The following PROSER1 variants were observed in gnomAD, a reference collection of about 807,000 sequenced individuals.
PROSER1 encodes proline and serine-rich protein 1.
A neutral mutation model predicts 71.8 loss-of-function variants in PROSER1; 36 were observed. The ratio of observed to expected loss-of-function variants is 0.50; its 90% CI spans 0.38 to 0.66. PROSER1 has a LOEUF of 0.66. Ranked by LOEUF, PROSER1 falls within the 30% of genes least tolerant of loss-of-function variation. The pLI is 0.00. For missense variants in PROSER1, 1,107 were observed against 1,135.0 expected, an observed-to-expected ratio of 0.98 and a Z score of 0.35; for synonymous variants, 490 against 452.4, an observed-to-expected ratio of 1.08 and a Z score of -1.06.
chr13:39,034,984 T>C (rs1871031241), intron 1 of PROSER1, among the ~76,000 whole-genome samples: 1 of 152,240 alleles, frequency 6.6e-6, no homozygotes, highest in Admixed American at 6.5e-5. Context: ...TTGCAGCTAT[T>C]TGCTCAGCTT....
intron 3 of PROSER1, among the ~76,000 whole-genome samples, chr13:39,029,864 A>C (rs1363359086): frequency 6.6e-6 from 1 of 152,200 alleles, no homozygotes; most frequent in Non-Finnish European, 1.5e-5. Context: ...TGGGTTAAAC[A>C]GGTTTCTCTA....
intron 2 of PROSER1, among the ~76,000 whole-genome samples, chr13:39,032,401 T>A (rs1218602651): frequency 6.6e-6 from 1 of 152,066 alleles, no homozygotes; most frequent in Non-Finnish European, 1.5e-5. Context: ...GGCATAAAGA[T>A]CAGGACACTG....
intron 2 of PROSER1, among the ~76,000 whole-genome samples, chr13:39,032,788 T>C (rs1005810333): frequency 6.6e-6 from 1 of 152,162 alleles, no homozygotes; most frequent in African/African-American, 2.4e-5. Context: ...AATAAGCTCA[T>C]TTAGAAAGTG....
chr13:39,034,317 T>C, intron 1 of PROSER1, 121 bp from the exon 2 acceptor site: 1 of 657,220 alleles, frequency 1.5e-6, no homozygotes, highest in Non-Finnish European at 2.4e-6. Flanking sequence ...ACTTCAGCCC[T>C]GTCATTCAGA....
chr13:39,013,579 T>C lies in PROSER1; in HGVS notation c.1673A>G (p.Gln558Arg), dbSNP rs1869813176. 6.2e-7 allele frequency: 1 copy of C among 1,614,048 alleles called. No homozygotes were observed. The highest frequency in any genetic ancestry group is 2.2e-5 in the East Asian group (1 of 44,876). ...STSTPLTLPVQSPLATAASAS... is the reference protein window; with the variant it reads ...STSTPLTLPVRSPLATAASAS... ...TGATGCAGCAGTGGCTAAAGGAGAC[T>C]GTACAGGCAATGTCAGGGGAGTGGA... is the stretch of plus-strand genomic sequence containing the variant. Residue 558 changes from glutamine (Q) to arginine (R), a missense_variant, in exon 11 of 13, where the codon CAG becomes CGG. Gln to Arg is a conservative substitution (Grantham distance 43). Transcript: ENST00000352251.
In PROSER1 at chr13:39,012,680, T is replaced by TATCC. The variant is rs777149252; in HGVS notation, c.2561+7_2561+10dup. ...GAATAATTTTATCCTATTTCCAAAC[T>TATCC]ATCCACATACCCGGCTTGTGCAACA... On this transcript the variant is annotated intron_variant, in intron 11 of 12. Coordinates refer to ENST00000352251, the MANE Select transcript of PROSER1 (RefSeq NM_025138.5). 1.1e-4 allele frequency: 174 copies of TATCC among 1,525,464 alleles called. 1 individual carries two copies. The Middle Eastern group carries it at 3.2e-3, about 28-fold the overall frequency. The allele number at this position is 1,525,464 out of a possible 1,614,324, so 94.5% of individuals were successfully genotyped here.
In PROSER1 at chr13:39,012,223, C is replaced by T; in HGVS notation, c.2572G>A (p.Gly858Arg). 1 of 1,613,974 alleles carries T rather than the reference C, an allele frequency of 6.2e-7. No individual in the cohort carries two copies. Among genetic ancestry groups the T allele is most frequent in the Non-Finnish European group, 8.5e-7 (1 of 1,179,970 alleles). Residue 858 changes from glycine (G) to arginine (R), a missense_variant, in exon 12 of 13, where the codon GGA becomes AGA. Gly to Arg is a moderately radical substitution (Grantham distance 125). Coordinates refer to ENST00000352251, the MANE Select transcript of PROSER1 (RefSeq NM_025138.5). ...ALVAQAGLSSGLQAAGSSVFP... is the reference protein window; with the variant it reads ...ALVAQAGLSSRLQAAGSSVFP... ...ACAGAACTGCCTGCAGCTTGAAGTC[C>T]AGATGATAAACTAAAACAATTGACA... is the stretch of plus-strand genomic sequence containing the variant.
intron 9 of PROSER1, among the ~76,000 whole-genome samples, chr13:39,019,630 C>T (rs908496182): frequency 1.3e-5 from 2 of 148,844 alleles, no homozygotes; most frequent in African/African-American, 2.5e-5. Context: ...TAATCATTGG[C>T]GATATTAGAG....
rs140024182 is a variant in PROSER1 at position 39,017,121 on chromosome 13, T to C, written c.775+379A>G. Among the ~76,000 whole-genome samples, 357 of 152,318 alleles carry C rather than the reference T, an allele frequency of 2.3e-3. 1 individual carries two copies. Among genetic ancestry groups the C allele is most frequent in the African/African-American group, 8.3e-3 (345 of 41,584 alleles). ...TTATTGAAATAATGAACTCTAAAAATAGAATCTGACTAGCATTTGTCAAAA... is the reference window on the plus strand; with the variant it reads ...TTATTGAAATAATGAACTCTAAAAACAGAATCTGACTAGCATTTGTCAAAA... On this transcript the variant is annotated intron_variant, in intron 10 of 12. Coordinates refer to ENST00000352251, the MANE Select transcript of PROSER1 (RefSeq NM_025138.5).
intron 8 of PROSER1, 105 bp from the exon 9 acceptor site, chr13:39,022,517 T>C: frequency 1.3e-6 from 1 of 744,376 alleles, no homozygotes; most frequent in Non-Finnish European, 2.3e-6. Context: ...CTATTCAATT[T>C]ATTATAAAAA....
In PROSER1 at chr13:39,037,470, G is replaced by A. The variant is rs1871176280; in HGVS notation, c.-228C>T. 5.7e-6 allele frequency: 3 copies of A among 523,414 alleles called. No homozygotes were observed. Among genetic ancestry groups the A allele is most frequent in the Non-Finnish European group, 1.0e-5 (3 of 295,506 alleles). The allele number at this position is 523,414 out of a possible 1,614,324, so 32.4% of individuals were successfully genotyped here. ...TTTATTAAAAAGAAAAAACACTCCA[G>A]TCAGGCTTCCCCAGCTTATTCACAC... is the stretch of plus-strand genomic sequence containing the variant. On this transcript the variant is annotated 5_prime_UTR_variant, in exon 1 of 13. Transcript: ENST00000352251.
At chr13:39,029,935 G>A (rs553411437) in intron 3 of PROSER1, among the ~76,000 whole-genome samples, 1 of 152,270 alleles carries the variant, frequency 6.6e-6, no homozygotes, top group Admixed American at 6.5e-5. Flanking sequence ...AGATTGTGTG[G>A]AATGTTACAT....
In PROSER1 at chr13:39,013,763, G is replaced by A. The variant is rs762306480; in HGVS notation, c.1489C>T (p.Leu497=). ...AGAGTAAGAGAAGATAGTGAAGCCA[G>A]CCCACTTGTGACAGCAGAGGATAAA... ...SALSSAVTSG[L]ASLSSLTLQN... The change falls in exon 11 of 13, where the codon CTG becomes TTG. Residue 497 remains leucine (L), a synonymous_variant. Transcript: ENST00000352251. 12 of 1,614,100 alleles carry A rather than the reference G, an allele frequency of 7.4e-6. No individual in the cohort carries two copies. The African/African-American group carries it at 1.2e-4, about 16-fold the overall frequency.
At chr13:39,018,998 T>C (rs921206937) in intron 9 of PROSER1, among the ~76,000 whole-genome samples, 21 of 152,180 alleles carry the variant, frequency 1.4e-4, no homozygotes, top group Non-Finnish European at 2.6e-4. Flanking sequence ...TGGAATTAAA[T>C]TTCCCATCCA....
chr13:39,010,403 C>A lies in PROSER1; in HGVS notation c.*962G>T, dbSNP rs1869586904. The A allele has an allele frequency of 6.6e-6, 1 of 152,564 alleles. No homozygotes were observed. Among genetic ancestry groups the A allele is most frequent in the South Asian group, 2.1e-4 (1 of 4,834 alleles). The allele number at this position is 152,564 out of a possible 1,614,324, so 9.5% of individuals were successfully genotyped here. On this transcript the variant is annotated 3_prime_UTR_variant, in exon 13 of 13. Transcript: ENST00000352251. ...TTCCCACATGTGGCAGTTATTACTT[C>A]AAAATTAATGACATTCACTCATGTT...
At chr13:39,020,698 C>T (rs530486029) in intron 9 of PROSER1, among the ~76,000 whole-genome samples, 1 of 152,190 alleles carries the variant, frequency 6.6e-6, no homozygotes, top group East Asian at 1.9e-4. Flanking sequence ...GAAAATCTTC[C>T]ATGTTGAAAG....
Position 39,014,039 on chromosome 13 carries a change from T to G in PROSER1, c.1213A>C (p.Ser405Arg). Residue 405 changes from serine (S) to arginine (R), a missense_variant, in exon 11 of 13, where the codon AGC becomes CGC. Physicochemically the swap from Ser to Arg is moderately radical, Grantham distance 110 (BLOSUM62 -1). Transcript: ENST00000352251. Reference protein sequence around the residue: ...AFASTSAPFTSLPFSTSSSAA... With the variant: ...AFASTSAPFTRLPFSTSSSAA... ...GAAGAGCTGGTGGAAAAGGGGAGGC[T>G]AGTGAAAGGTGCAGAAGTAGAAGCA... is the stretch of plus-strand genomic sequence containing the variant. 1 of 1,614,018 alleles carries G rather than the reference T, an allele frequency of 6.2e-7. No homozygotes were observed. The highest frequency in any genetic ancestry group is 8.5e-7 in the Non-Finnish European group (1 of 1,180,020).
intron 10 of PROSER1, among the ~76,000 whole-genome samples, chr13:39,015,368 A>G (rs962716995): frequency 2.6e-5 from 4 of 152,212 alleles, no homozygotes; most frequent in Non-Finnish European, 4.4e-5. Context: ...GGATATCATG[A>G]CTTAGGTAGC....
chr13:39,031,897 T>C (rs1345037672), intron 2 of PROSER1, among the ~76,000 whole-genome samples: 1 of 152,156 alleles, frequency 6.6e-6, no homozygotes, highest in African/African-American at 2.4e-5. Context: ...GGCTGATAAC[T>C]ACAATAATGC....
Sources: allele counts gnomAD v4.1 joint callset (sites outside exome capture counted in the v4.1 genomes callset), GRCh38; gene constraint gnomAD v4.1.1; transcripts MANE v1.5; gene names NCBI Gene and HGNC (gene_info 2026-07-23, HGNC 2026-07-21).